The following L3MBTL4 variants were observed in gnomAD, a reference collection of about 807,000 sequenced individuals.
The protein encoded by L3MBTL4 is lethal(3)malignant brain tumor-like protein 4.
Under a neutral mutation model 84.5 loss-of-function variants are expected in L3MBTL4, and 70 were observed. The observed-to-expected ratio is 0.83, with a 90% confidence interval of 0.68 to 1.01. The LOEUF is 1.01. Ranked by LOEUF, L3MBTL4 falls within the 50% of genes least tolerant of loss-of-function variation. L3MBTL4 has a pLI of 0.00. For synonymous variants in L3MBTL4, 274 were observed against 259.8 expected (o/e 1.05, Z -0.52); for missense variants, 715 against 754.8 (o/e 0.95, Z 0.62).
chr18:6,230,614 G>A (rs921133585), intron 10 of L3MBTL4, among the ~76,000 whole-genome samples: 39 of 152,124 alleles, frequency 2.6e-4, no homozygotes, highest in African/African-American at 9.2e-4. Flanking sequence ...AGGACTGCTA[G>A]ATTGAATGGT....
chr18:5,965,886 C>T (rs763073208), intron 17 of L3MBTL4, among the ~76,000 whole-genome samples: 9 of 152,252 alleles, frequency 5.9e-5, no homozygotes, highest in South Asian at 2.1e-4. Context: ...GCATCCCTGA[C>T]GGAAGACAAG....
chr18:6,117,174 G>C (rs750180704), intron 14 of L3MBTL4, among the ~76,000 whole-genome samples: 1 of 152,190 alleles, frequency 6.6e-6, no homozygotes, highest in East Asian at 1.9e-4. Flanking sequence ...GGAAGAGACT[G>C]AGGGTCAATA....
chr18:6,147,737 C>T (rs932459169), intron 13 of L3MBTL4, among the ~76,000 whole-genome samples: 4 of 152,172 alleles, frequency 2.6e-5, no homozygotes, highest in African/African-American at 9.7e-5. Context: ...CCAAAAGTCT[C>T]TTTCACAGAT....
At chr18:6,025,866 C>T (rs748532397) in intron 16 of L3MBTL4, among the ~76,000 whole-genome samples, 12 of 152,242 alleles carry the variant, frequency 7.9e-5, no homozygotes, top group Admixed American at 2.0e-4. Context: ...CAGCCTGCCG[C>T]TCACTTCCTG....
intron 1 of L3MBTL4, among the ~76,000 whole-genome samples, chr18:6,319,872 A>T (rs115306201): frequency 0.01 from 1,560 of 152,260 alleles, 31 homozygotes; most frequent in African/African-American, 0.033. Flanking sequence ...ATCCCTGATG[A>T]ACATAGATGC....
chr18:6,372,551 A>G (rs754998510), intron 1 of L3MBTL4, among the ~76,000 whole-genome samples: 1 of 152,184 alleles, frequency 6.6e-6, no homozygotes, highest in East Asian at 1.9e-4. Flanking sequence ...CCTCTTTTCA[A>G]TATCCATTCT....
intron 16 of L3MBTL4, among the ~76,000 whole-genome samples, chr18:5,973,964 T>C (rs2052773777): frequency 1.3e-5 from 2 of 152,228 alleles, no homozygotes; most frequent in Non-Finnish European, 2.9e-5. Flanking sequence ...CAAAATGTTC[T>C]CTGCACCAGA....
intron 13 of L3MBTL4, among the ~76,000 whole-genome samples, chr18:6,156,079 G>T (rs904435263): frequency 1.3e-5 from 2 of 152,062 alleles, no homozygotes; most frequent in African/African-American, 4.8e-5. Flanking sequence ...CATTCTCCTT[G>T]ACCCCCAATT....
In L3MBTL4 at chr18:6,213,187, C is replaced by T. The variant is rs2046184939; in HGVS notation, c.943G>A (p.Val315Ile). The change falls in exon 12 of 19, where the codon GTT becomes ATT. Residue 315 changes from valine (V) to isoleucine (I), a missense_variant. Physicochemically the swap from Val to Ile is conservative, Grantham distance 29. Coordinates refer to ENST00000317931, the MANE Select transcript of L3MBTL4 (RefSeq NM_001330559.2). ...VDKRNPRLIR[V>I]ATIVDVDDQR... The stretch of plus-strand genomic sequence containing the variant: ...TCATCAACATCTACAATCGTAGCAA[C>T]ACGAATTAACCTGGGGTTCCGTTTA... 6.2e-7 allele frequency: 1 copy of T among 1,609,168 alleles called. No homozygotes were observed.
In L3MBTL4 at chr18:6,071,242, T is replaced by A. The variant is rs113866677; in HGVS notation, c.1444+9639A>T. Among the ~76,000 whole-genome samples, 60 of 151,748 alleles carry A rather than the reference T, an allele frequency of 4.0e-4. 2 individuals carry two copies. The highest frequency in any genetic ancestry group is 1.5e-3 in the African/African-American group (60 of 41,362). On this transcript the variant is annotated intron_variant, in intron 16 of 18. Transcript: ENST00000317931. Reference sequence around the variant, plus strand: ...CCTGTCTCTACTAAAAACACAAAAATTAGCTGGGCATGGTGGTACACATCT... The same window carrying A: ...CCTGTCTCTACTAAAAACACAAAAAATAGCTGGGCATGGTGGTACACATCT...
At chr18:6,302,554 C>T (rs1027738078) in intron 3 of L3MBTL4, among the ~76,000 whole-genome samples, 13 of 152,340 alleles carry the variant, frequency 8.5e-5, no homozygotes, top group Admixed American at 2.0e-4. Context: ...CTTGAAGGAA[C>T]ATTTACCATT....
At chr18:6,255,003 A>G (rs887914045) in intron 5 of L3MBTL4, among the ~76,000 whole-genome samples, 1 of 152,214 alleles carries the variant, frequency 6.6e-6, no homozygotes, top group African/African-American at 2.4e-5. Context: ...AGAACTTTTT[A>G]AAATAACTTC....
intron 3 of L3MBTL4, among the ~76,000 whole-genome samples, chr18:6,304,033 A>C (rs540403806): frequency 2.6e-5 from 4 of 151,516 alleles, no homozygotes; most frequent in African/African-American, 7.3e-5. Context: ...AAAAAAACAA[A>C]AAAAAAAGAC....
intron 1 of L3MBTL4, among the ~76,000 whole-genome samples, chr18:6,390,544 T>G (rs1411928862): frequency 2.6e-5 from 4 of 152,132 alleles, no homozygotes; most frequent in African/African-American, 7.2e-5. Context: ...AACCTGGTTC[T>G]TTGAAAAGAT....
chr18:6,210,505 G>A (rs1599161917), intron 12 of L3MBTL4, among the ~76,000 whole-genome samples: 1 of 152,318 alleles, frequency 6.6e-6, no homozygotes. Flanking sequence ...ATACTATCTT[G>A]TGACCTTGGA....
intron 10 of L3MBTL4, among the ~76,000 whole-genome samples, chr18:6,219,719 A>G (rs1224894331): frequency 6.6e-6 from 1 of 151,970 alleles, no homozygotes; most frequent in Non-Finnish European, 1.5e-5. Context: ...TGGTGGCAAA[A>G]TTAGGGGTGA....
chr18:6,160,338 T>C (rs2043274692), intron 13 of L3MBTL4, among the ~76,000 whole-genome samples: 1 of 152,136 alleles, frequency 6.6e-6, no homozygotes, highest in African/African-American at 2.4e-5. Context: ...AAGTCAACAG[T>C]GTTGCAAGTC....
chr18:6,352,023 A>G (rs1180421685), intron 1 of L3MBTL4, among the ~76,000 whole-genome samples: 2 of 152,120 alleles, frequency 1.3e-5, no homozygotes, highest in Admixed American at 1.3e-4. Context: ...TTGTGCTTAT[A>G]TTATTTTCTG....
chr18:6,099,949 G>A (rs2058766154), intron 14 of L3MBTL4, among the ~76,000 whole-genome samples: 1 of 152,104 alleles, frequency 6.6e-6, no homozygotes, highest in Non-Finnish European at 1.5e-5. Flanking sequence ...AACACAGCTT[G>A]TGAAATCCTG....
Sources: gnomAD v4.1 joint callset for allele counts (sites outside exome capture counted in the v4.1 genomes callset) on GRCh38, gnomAD v4.1.1 for gene constraint, MANE v1.5 for transcripts, NCBI Gene and HGNC (gene_info 2026-07-23, HGNC 2026-07-21) for gene names.